CCDC22: variants seen among roughly 807,000 people sequenced by gnomAD.
CCDC22 encodes the protein CCC complex scaffolding subunit CCDC22, also known as coiled-coil domain-containing protein 22.
In CCDC22, 4 loss-of-function variants were observed where a neutral mutation model predicts 53.1. The observed-to-expected ratio is 0.08, with a 90% confidence interval of 0.04 to 0.17. CCDC22 has a LOEUF of 0.17. CCDC22 is among the 10% of genes least tolerant of loss of function. The pLI, the probability that CCDC22 is intolerant of heterozygous loss-of-function variation, is 1.00. For synonymous variants in CCDC22, 222 were observed against 224.4 expected, an observed-to-expected ratio of 0.99 and a Z score of 0.10; for missense variants, 458 against 554.0, an observed-to-expected ratio of 0.83 and a Z score of 1.74.
intron 2 of CCDC22, among the ~76,000 whole-genome samples, chrX:49,240,183 G>A (rs1208504980): frequency 9.6e-6 from 1 of 104,060 alleles, no homozygotes; most frequent in Non-Finnish European, 2.0e-5. Flanking sequence ...AGCCTGGGAG[G>A]TCCAGGCTGC....
At chrX:49,245,090 C>G (rs1557114009) in intron 6 of CCDC22, among the ~76,000 whole-genome samples, 1 of 109,444 alleles carries the variant, frequency 9.1e-6, no homozygotes, top group Non-Finnish European at 1.9e-5. Flanking sequence ...TTCTGCTCTC[C>G]TATTTCTGTT....
Position 49,235,478 on chromosome X carries a change from C to A in CCDC22, c.-159C>A. The A allele has an allele frequency of 1.9e-6, 1 of 525,581 alleles. No individual in the cohort carries two copies. The highest frequency in any genetic ancestry group is 3.4e-6 in the Non-Finnish European group (1 of 296,212). The allele number at this position is 525,581 out of a possible 1,213,427, so 43.3% of individuals were successfully genotyped here. A position where few individuals can be genotyped will look rare whatever the true frequency, so the allele number is the denominator to read the frequency against. ...CACTCACCCCAGGCCTCACATCCGGCATGCGCCGTGCTCGCTCACAGAACT... is the reference window on the plus strand; with the variant it reads ...CACTCACCCCAGGCCTCACATCCGGAATGCGCCGTGCTCGCTCACAGAACT... On this transcript the variant is annotated 5_prime_UTR_variant, in exon 1 of 17. Coordinates refer to ENST00000376227, the MANE Select transcript of CCDC22 (RefSeq NM_014008.5).
rs368244237 is a variant in CCDC22 at position 49,247,654 on chromosome X, G to A, written c.978G>A (p.Thr326=). ...GACTGGCCTGGGCCTCCCAGGTCACGTGGGCAGCTCAGGAACAGGAGCTCG... is the reference window on the plus strand; with the variant it reads ...GACTGGCCTGGGCCTCCCAGGTCACATGGGCAGCTCAGGAACAGGAGCTCG... ...PATSRRPEQV[T]WAAQEQELES... The change falls in exon 9 of 17, where the codon ACG becomes ACA. Residue 326 remains threonine, a synonymous_variant. Transcript: ENST00000376227. 12 of 1,193,028 alleles carry A rather than the reference G, an allele frequency of 1.0e-5. No individual in the cohort carries two copies. Among genetic ancestry groups the A allele is most frequent in the East Asian group, 3.0e-5 (1 of 33,034 alleles).
intron 7 of CCDC22, 23 bp downstream of exon 7, chrX:49,246,948 G>C (rs1557114312): frequency 8.8e-7 from 1 of 1,140,539 alleles, no homozygotes. Flanking sequence ...GAGGACATGA[G>C]ATGTGTGGAT....
At chrX:49,248,953 T>A in intron 13 of CCDC22, 29 bp downstream of exon 13, 15 of 1,196,794 alleles carry the variant, frequency 1.3e-5, no homozygotes, top group Non-Finnish European at 1.7e-5. Flanking sequence ...GGAGGGTGGG[T>A]CATGTGGGCT....
rs1557115012 is a variant in CCDC22 at position 49,249,514 on chromosome X, C to T, written c.1641C>T (p.Ala547=). The T allele has an allele frequency of 2.5e-6, 3 of 1,195,515 alleles. No individual in the cohort carries two copies. In the South Asian group the frequency reaches 5.3e-5, roughly 21 times the overall value. ...AVTDELVFKD[A]KKDDAVRKAY... ...AGGTCCCTGTGTCTGGTCAGGATGC[C>T]AAGAAGGACGATGCTGTTCGGAAGG... Residue 547 remains alanine (A), a synonymous_variant, in exon 15 of 17, where the codon GCC becomes GCT. Transcript: ENST00000376227.
At chrX:49,240,461 G>A (rs1557113228) in intron 2 of CCDC22, among the ~76,000 whole-genome samples, 1 of 111,184 alleles carries the variant, frequency 9.0e-6, no homozygotes, top group African/African-American at 3.3e-5. Flanking sequence ...GGCTGAGGCA[G>A]GAGAATCGCT....
intron 10 of CCDC22, 40 bp downstream of exon 10, chrX:49,248,350 G>A (rs782540975): frequency 2.6e-6 from 3 of 1,169,121 alleles, no homozygotes; most frequent in South Asian, 3.7e-5. Context: ...GGGGCAGGGT[G>A]GGGTGGGGTG....
intron 7 of CCDC22, 83 bp from the exon 8 acceptor site, chrX:49,247,413 C>T (rs993214937): frequency 1.1e-6 from 1 of 903,072 alleles, no homozygotes; most frequent in Non-Finnish European, 1.6e-6. Context: ...GCACTGGGGG[C>T]AGTTCTCAGG....
intron 2 of CCDC22, among the ~76,000 whole-genome samples, chrX:49,240,619 A>T (rs1557113251): frequency 8.9e-6 from 1 of 111,924 alleles, no homozygotes; most frequent in African/African-American, 3.3e-5. Flanking sequence ...TATCAGCAGC[A>T]GGCAAAAGGA....
At chrX:49,244,850 G>A (rs984102648) in intron 6 of CCDC22, among the ~76,000 whole-genome samples, 3 of 110,478 alleles carry the variant, frequency 2.7e-5, no homozygotes, top group South Asian at 3.9e-4. Flanking sequence ...CCACCATGCC[G>A]AGCCCCCTCT....
chrX:49,247,041 G>A (rs961785100), intron 7 of CCDC22, 116 bp downstream of exon 7: 1 of 655,173 alleles, frequency 1.5e-6, no homozygotes, highest in Non-Finnish European at 2.4e-6. Flanking sequence ...CACTGGACAG[G>A]CCCTCGCCCC....
chrX:49,238,788 T>C (rs945306394), intron 2 of CCDC22, among the ~76,000 whole-genome samples: 8 of 110,578 alleles, frequency 7.2e-5, no homozygotes, highest in African/African-American at 2.6e-4. Flanking sequence ...AGGCTGGTCT[T>C]AAGCTCCTGG....
At position 49,242,919 on chromosome X, in the gene CCDC22, G is replaced by A. The variant is rs2065971037; in HGVS notation, c.395G>A (p.Ser132Asn). The A allele has an allele frequency of 2.6e-6, 3 of 1,166,425 alleles. No individual in the cohort carries two copies. Among genetic ancestry groups the A allele is most frequent in the Non-Finnish European group, 3.4e-6 (3 of 871,900 alleles). ...GCTATTCTCCTCCGGGCCATTGGGA[G>A]CCAAATTCGGGACCAGCTGGCACTG... ...DSAILLRAIG[S>N]QIRDQLALPW... Residue 132 changes from serine (S) to asparagine (N), a missense_variant, in exon 4 of 17, where the codon AGC becomes AAC. Around this residue, in one of 4 missense-constraint regions of CCDC22, gnomAD observed 309 missense variants for 312.3 expected, o/e 0.99. Coordinates refer to ENST00000376227, the MANE Select transcript of CCDC22 (RefSeq NM_014008.5).
rs781892768 is a variant in CCDC22, at chrX:49,242,163, G to C, written c.361+15G>C. 9.1e-6 allele frequency: 11 copies of C among 1,207,885 alleles called. No homozygotes were observed. Among genetic ancestry groups the C allele is most frequent in the African/African-American group, 1.8e-5 (1 of 56,835 alleles). ...CCAGCCTGCAGGTACTGGGTGTCTG[G>C]GGTGTGGGCGGGGGCGGTGAGGGGA... is the stretch of plus-strand genomic sequence containing the variant. On this transcript the variant is annotated intron_variant, in intron 3 of 16. Transcript: ENST00000376227.
intron 1 of CCDC22, among the ~76,000 whole-genome samples, chrX:49,236,454 C>T (rs1225729535): frequency 1.8e-5 from 2 of 109,945 alleles, no homozygotes; most frequent in Admixed American, 9.8e-5. Context: ...GTGATCTGCC[C>T]GCCTCCGCCT....
At position 49,248,937 on chromosome X, in the gene CCDC22, G is replaced by A. The variant is rs2066007300; in HGVS notation, c.1539+13G>A. 1 of 1,202,635 alleles carries A rather than the reference G, an allele frequency of 8.3e-7. No homozygotes were observed. The highest frequency in any genetic ancestry group is 2.2e-5 in the Admixed American group (1 of 45,047). Reference sequence around the variant, plus strand: ...AGAGATCACCAAGGTACACTGCCAGGGCCATGGAGGGTGGGTCATGTGGGC... The same window carrying A: ...AGAGATCACCAAGGTACACTGCCAGAGCCATGGAGGGTGGGTCATGTGGGC... On this transcript the variant is annotated intron_variant, in intron 13 of 16. Coordinates refer to ENST00000376227, the MANE Select transcript of CCDC22 (RefSeq NM_014008.5).
chrX:49,248,431 C>T lies in CCDC22; in HGVS notation c.1237C>T (p.Arg413Trp), dbSNP rs200812467. 67 of 1,208,240 alleles carry T rather than the reference C, an allele frequency of 5.5e-5. No homozygotes were observed. The highest frequency in any genetic ancestry group is 7.0e-5 in the African/African-American group (4 of 57,034). ...LQLVVENSAQ[R>W]VIHLAGQWEK... ...GCTTGTGGTGGAGAATAGTGCCCAG[C>T]GGGTCATCCACTTGGCGGGTCAGTG... Residue 413 changes from arginine (R) to tryptophan (W), a missense_variant, in exon 11 of 17, where the codon CGG (arginine) becomes TGG (tryptophan). By Grantham distance (101) the Arg-to-Trp change is moderately radical (BLOSUM62 -3). This residue lies in a region of CCDC22 where 309 missense variants were observed against 312.3 expected (regional missense o/e 0.99). Coordinates refer to ENST00000376227, the MANE Select transcript of CCDC22 (RefSeq NM_014008.5).
At chrX:49,249,300 C>T (rs782749844) in intron 14 of CCDC22, 38 bp downstream of exon 14, 1 of 1,063,991 alleles carries the variant, frequency 9.4e-7, no homozygotes, top group South Asian at 1.9e-5. Context: ...TGGGGTGAGG[C>T]TGGGCTGCTG....
Sources: gnomAD v4.1 joint callset for allele counts (sites outside exome capture counted in the v4.1 genomes callset) on GRCh38, gnomAD v4.1.1 for gene constraint, gnomAD v4.1.1 regional missense constraint, MANE v1.5 for transcripts, NCBI Gene and HGNC (gene_info 2026-07-23, HGNC 2026-07-21) for gene names.